IPPK: variants seen among roughly 807,000 people sequenced by gnomAD.
IPPK encodes the protein inositol-pentakisphosphate 2-kinase.
IPPK carries 22 observed loss-of-function variants against 64.6 expected under a neutral mutation model. The observed-to-expected ratio is 0.34, with a 90% CI of 0.24 to 0.49. IPPK has a LOEUF of 0.49. IPPK is among the 20% of genes least tolerant of loss of function. The pLI is 0.99. For synonymous variants in IPPK, 262 were observed against 247.2 expected, an observed-to-expected ratio of 1.06 and a Z score of -0.56; for missense variants, 532 against 630.7, an observed-to-expected ratio of 0.84 and a Z score of 1.68.
At chr9:92,647,381 G>T (rs1852168762) in intron 6 of IPPK, among the ~76,000 whole-genome samples, 1 of 152,088 alleles carries the variant, frequency 6.6e-6, no homozygotes, top group Admixed American at 6.6e-5. Flanking sequence ...CAAAAAACTG[G>T]AGAGTGAAAA....
At chr9:92,642,613 CAA>C in intron 7 of IPPK, 137 bp downstream of exon 7, 1 of 695,498 alleles carries the variant, frequency 1.4e-6, no homozygotes, top group Non-Finnish European at 2.6e-6. Flanking sequence ...GCGCTGATGG[CAA>C]AAGAGAGCCC....
chr9:92,653,256 G>A (rs1034107012), intron 3 of IPPK, among the ~76,000 whole-genome samples: 2 of 152,292 alleles, frequency 1.3e-5, no homozygotes, highest in Admixed American at 6.5e-5. Context: ...GTCCTCTCGT[G>A]TTTCTAGGGT....
At chr9:92,631,799 T>C (rs774348588) in intron 11 of IPPK, among the ~76,000 whole-genome samples, 16 of 152,182 alleles carry the variant, frequency 1.1e-4, no homozygotes, top group Non-Finnish European at 1.9e-4. Flanking sequence ...GTGTGTGTGA[T>C]CACACGTAGG....
chr9:92,633,405 G>C (rs1253590817), intron 11 of IPPK, among the ~76,000 whole-genome samples: 3 of 151,546 alleles, frequency 2.0e-5, no homozygotes, highest in African/African-American at 7.3e-5. Flanking sequence ...GACGGGGCTT[G>C]CTCTGTCACC....
intron 4 of IPPK, 84 bp from the exon 5 acceptor site, chr9:92,649,658 C>A (rs1226090390): frequency 2.6e-6 from 4 of 1,533,220 alleles, no homozygotes; most frequent in Admixed American, 3.5e-5. Flanking sequence ...CCCGCCTTGT[C>A]CCTGGTTCCA....
At chr9:92,627,861 A>G (rs987334207) in intron 11 of IPPK, among the ~76,000 whole-genome samples, 3 of 152,228 alleles carry the variant, frequency 2.0e-5, no homozygotes, top group Non-Finnish European at 2.9e-5. Context: ...ATTACGCAAG[A>G]AAAATAAATC....
chr9:92,634,990 C>G (rs1460500301), intron 10 of IPPK, among the ~76,000 whole-genome samples, 168 bp downstream of exon 10: 1 of 152,240 alleles, frequency 6.6e-6, no homozygotes, highest in Non-Finnish European at 1.5e-5. Context: ...TTACAAGGCA[C>G]TACATTCCAG....
chr9:92,656,593 C>T (rs1005565998), intron 2 of IPPK, 42 bp from the exon 3 acceptor site: 3 of 1,300,524 alleles, frequency 2.3e-6, no homozygotes, highest in Non-Finnish European at 3.4e-6. Context: ...GATGGGACCT[C>T]CCAACAGAGC....
intron 1 of IPPK, among the ~76,000 whole-genome samples, chr9:92,664,854 T>G (rs556776594): frequency 1.3e-5 from 2 of 152,282 alleles, no homozygotes; most frequent in African/African-American, 4.8e-5. Flanking sequence ...CTGGGGAGCT[T>G]TGCTCTGACT....
At chr9:92,630,128 A>C (rs1587624189) in intron 11 of IPPK, among the ~76,000 whole-genome samples, 1 of 152,250 alleles carries the variant, frequency 6.6e-6, no homozygotes, top group Non-Finnish European at 1.5e-5. Context: ...AATAGCCAAA[A>C]AGAGGAAACA....
At chr9:92,633,400 G>T (rs1231486141) in intron 11 of IPPK, among the ~76,000 whole-genome samples, 1 of 151,844 alleles carries the variant, frequency 6.6e-6, no homozygotes, top group Non-Finnish European at 1.5e-5. Flanking sequence ...TTTGAGACGG[G>T]GCTTGCTCTG....
Position 92,615,664 on chromosome 9 carries a change from G to T in IPPK, c.*168C>A, listed in dbSNP as rs576128225. 6.8e-6 allele frequency: 4 copies of T among 590,216 alleles called. No homozygotes were observed. Among genetic ancestry groups the T allele is most frequent in the Non-Finnish European group, 1.2e-5 (4 of 331,646 alleles). The allele number at this position is 590,216 out of a possible 1,614,324, so 36.6% of individuals were successfully genotyped here. A position where few individuals can be genotyped will look rare whatever the true frequency, so the allele number is the denominator to read the frequency against. On this transcript the variant is annotated 3_prime_UTR_variant, in exon 13 of 13. Coordinates refer to ENST00000287996, the MANE Select transcript of IPPK (RefSeq NM_022755.6). ...ACTTCCTACATTCCTTGTCCAGGAA[G>T]TTGTTTCTAGTGCTCTTCAATTCCA...
At position 92,645,612 on chromosome 9, in the gene IPPK, G is replaced by A. The variant is rs960886071; in HGVS notation, c.504+2447C>T. Among the ~76,000 whole-genome samples the A allele has an allele frequency of 5.3e-5, 8 of 151,978 alleles. No homozygotes were observed. The East Asian group carries it at 1.6e-3, about 29-fold the overall frequency. ...TCTTAAAAAGCAAAAAGAGAGAAGT[G>A]GCTCATCCCATACAAAGCACCTTCC... On this transcript the variant is annotated intron_variant, in intron 6 of 12. Transcript: ENST00000287996.
At chr9:92,641,737 A>G (rs1226550147) in intron 7 of IPPK, among the ~76,000 whole-genome samples, 5 of 152,206 alleles carry the variant, frequency 3.3e-5, no homozygotes, top group Non-Finnish European at 5.9e-5. Flanking sequence ...AAGCACTGAC[A>G]TGATGACCAG....
Position 92,613,679 on chromosome 9 carries a change from T to C in IPPK, c.*2153A>G, listed in dbSNP as rs926577559. The C allele has an allele frequency of 2.5e-5, 4 of 157,418 alleles. No homozygotes were observed. The highest frequency in any genetic ancestry group is 9.6e-5 in the African/African-American group (4 of 41,488). The allele number at this position is 157,418 out of a possible 1,614,324, so 9.8% of individuals were successfully genotyped here. On this transcript the variant is annotated 3_prime_UTR_variant, in exon 13 of 13. Transcript: ENST00000287996. Reference sequence around the variant, plus strand: ...GCAGTCTCAGCAAGTCCTCATGCTGTTCTTGGTCTTCCACAAGAAAGTGAA... The same window carrying C: ...GCAGTCTCAGCAAGTCCTCATGCTGCTCTTGGTCTTCCACAAGAAAGTGAA...
At chr9:92,636,519 T>C (rs1851946009) in intron 9 of IPPK, among the ~76,000 whole-genome samples, 1 of 151,908 alleles carries the variant, frequency 6.6e-6, no homozygotes, top group Admixed American at 6.6e-5. Context: ...TGCGTGTCGG[T>C]AGTCCCAGCT....
Position 92,635,372 on chromosome 9 carries a change from A to C in IPPK, c.917-64T>G. On this transcript the variant is annotated intron_variant, in intron 9 of 12. Transcript: ENST00000287996. This position sits in a 1 kb window ranked among gnomAD's most constrained non-coding sequence, Gnocchi z 4.4. The stretch of plus-strand genomic sequence containing the variant: ...TATCAAAGAACGTGGAGGGAGACAC[A>C]GGCCGGCGCAGACCGCAGGGCTCAT... 1 of 1,537,346 alleles carries C rather than the reference A, an allele frequency of 6.5e-7. No individual in the cohort carries two copies. The highest frequency in any genetic ancestry group is 8.8e-7 in the Non-Finnish European group (1 of 1,131,238).
At chr9:92,669,487 G>C (rs1265541580) in intron 1 of IPPK, among the ~76,000 whole-genome samples, 3 of 152,198 alleles carry the variant, frequency 2.0e-5, no homozygotes, top group Non-Finnish European at 2.9e-5. Flanking sequence ...TCTTCCTCCA[G>C]TGCTGGCCGG....
chr9:92,656,358 G>C, intron 3 of IPPK, 98 bp downstream of exon 3: 1 of 790,798 alleles, frequency 1.3e-6, no homozygotes, highest in Non-Finnish European at 2.3e-6. Context: ...GCTGGACGCG[G>C]GTTATCATTA....
Sources: allele counts gnomAD v4.1 joint callset (sites outside exome capture counted in the v4.1 genomes callset), GRCh38; gene constraint gnomAD v4.1.1; non-coding constraint Gnocchi (gnomAD v3.1); transcripts MANE v1.5; gene names NCBI Gene and HGNC (gene_info 2026-07-23, HGNC 2026-07-21).